Variants in CADM2 observed in about 807,000 individuals in gnomAD.
The protein encoded by CADM2 is immunoglobulin superfamily member 4D.
In CADM2, 12 loss-of-function variants were observed where a neutral mutation model predicts 49.8. The observed-to-expected ratio is 0.24, with a 90% CI of 0.15 to 0.39. The LOEUF (loss-of-function observed/expected upper bound fraction) is 0.39, where lower values mean the gene tolerates loss of function less well. CADM2 is among the 10% of genes least tolerant of loss of function. The pLI is 1.00. For missense variants in CADM2, 378 were observed against 492.3 expected (o/e 0.77, Z 2.20); for synonymous variants, 214 against 175.4 (o/e 1.22, Z -1.74).
intron 1 of CADM2, among the ~76,000 whole-genome samples, chr3:85,649,645 G>A (rs753947574): frequency 9.2e-5 from 14 of 152,108 alleles, no homozygotes; most frequent in Non-Finnish European, 1.5e-5. Context: ...GGAATTAAAG[G>A]AAAGGCTTAA....
At chr3:85,704,438 A>G (rs1163459488) in intron 1 of CADM2, among the ~76,000 whole-genome samples, 1 of 152,152 alleles carries the variant, frequency 6.6e-6, no homozygotes, top group Non-Finnish European at 1.5e-5. Context: ...GACCAAATTC[A>G]GTATGCCATC....
chr3:85,642,129 A>G (rs2107555036), intron 1 of CADM2, among the ~76,000 whole-genome samples: 1 of 152,266 alleles, frequency 6.6e-6, no homozygotes, highest in Non-Finnish European at 1.5e-5. Context: ...TACCCTTTGC[A>G]CTGCAGAGAT....
At chr3:86,046,258 T>C (rs2107288299) in intron 8 of CADM2, among the ~76,000 whole-genome samples, 1 of 152,320 alleles carries the variant, frequency 6.6e-6, no homozygotes, top group South Asian at 2.1e-4. Context: ...CATGTGCCTT[T>C]TGTAAACATT....
intron 8 of CADM2, among the ~76,000 whole-genome samples, chr3:86,044,975 T>C (rs140512890): frequency 0.034 from 5,122 of 149,694 alleles, 171 homozygotes; most frequent in African/African-American, 0.084. Flanking sequence ...AACCAAACAC[T>C]GCATGTTCTC....
At chr3:85,172,124 C>T (rs2040644781) in intron 1 of CADM2, among the ~76,000 whole-genome samples, 1 of 152,094 alleles carries the variant, frequency 6.6e-6, no homozygotes, top group African/African-American at 2.4e-5. Flanking sequence ...AGAGCATTGC[C>T]TACTGTCAAA....
intron 1 of CADM2, among the ~76,000 whole-genome samples, chr3:85,231,997 G>T (rs1265428837): frequency 6.6e-6 from 1 of 151,776 alleles, no homozygotes; most frequent in South Asian, 2.1e-4. Flanking sequence ...TTACAGACGT[G>T]AGCCATTGGG....
At chr3:85,202,985 C>T (rs767432720) in intron 1 of CADM2, among the ~76,000 whole-genome samples, 1 of 152,174 alleles carries the variant, frequency 6.6e-6, no homozygotes, top group Non-Finnish European at 1.5e-5. Context: ...TTTTCTTCTG[C>T]AGCTTCCTTA....
intron 1 of CADM2, among the ~76,000 whole-genome samples, chr3:85,568,485 TTC>T (rs1559916170): frequency 5.3e-5 from 3 of 56,188 alleles, no homozygotes; most frequent in Admixed American, 2.6e-4. Flanking sequence ...CTTTCTTTCT[TTC>T]TTTCTTTCTT....
chr3:85,215,951 G>C (rs907105776), intron 1 of CADM2, among the ~76,000 whole-genome samples: 1 of 151,976 alleles, frequency 6.6e-6, no homozygotes, highest in African/African-American at 2.4e-5. Context: ...GAGAATGAGG[G>C]AGGAGGAGGG....
chr3:85,831,125 A>C (rs112830943), intron 3 of CADM2, among the ~76,000 whole-genome samples: 15,490 of 151,854 alleles, frequency 0.1, 906 homozygotes, highest in South Asian at 0.12. Context: ...TTCGCTTAGG[A>C]TAATGGTCTC....
chr3:85,593,394 G>A (rs983821211), intron 1 of CADM2, among the ~76,000 whole-genome samples: 1 of 151,902 alleles, frequency 6.6e-6, no homozygotes, highest in Non-Finnish European at 1.5e-5. Context: ...AAATTCTAGA[G>A]CCTCAATTTT....
At chr3:85,037,160 A>AC (rs1344006466) in intron 1 of CADM2, among the ~76,000 whole-genome samples, 1 of 151,174 alleles carries the variant, frequency 6.6e-6, no homozygotes, top group African/African-American at 2.4e-5. Context: ...CAAGAGTGAA[A>AC]CTCCATCTCT....
At chr3:85,256,724 G>A (rs2042893320) in intron 1 of CADM2, among the ~76,000 whole-genome samples, 1 of 152,008 alleles carries the variant, frequency 6.6e-6, no homozygotes, top group Non-Finnish European at 1.5e-5. Context: ...TATATTAAAA[G>A]CTCAACTGCA....
chr3:85,760,175 A>G (rs1300920558), intron 2 of CADM2, among the ~76,000 whole-genome samples: 3 of 152,118 alleles, frequency 2.0e-5, no homozygotes, highest in Non-Finnish European at 2.9e-5. Context: ...TCTGAAAGAA[A>G]TGTTTTTCTA....
rs550165989 is a variant in CADM2, at chr3:85,106,405, G to A, written c.61+146737G>A. 2.6e-5 allele frequency among the ~76,000 whole-genome samples: 4 copies of A among 152,190 alleles called. No individual in the cohort carries two copies. In the South Asian group the frequency reaches 8.3e-4, roughly 31 times the overall value. On this transcript the variant is annotated intron_variant, in intron 1 of 9. Transcript: ENST00000383699. ...GAGAAGGTACTTTCTTCCATTTGTAGCATCCACCTGGTTTGAAGTGTTAGT... is the reference window on the plus strand; with the variant it reads ...GAGAAGGTACTTTCTTCCATTTGTAACATCCACCTGGTTTGAAGTGTTAGT...
intron 1 of CADM2, among the ~76,000 whole-genome samples, chr3:85,711,399 G>T (rs2067113290): frequency 6.6e-6 from 1 of 152,034 alleles, no homozygotes; most frequent in South Asian, 2.1e-4. Flanking sequence ...GAGCTTCTTT[G>T]TGAATCCTTA....
chr3:86,017,295 G>A (rs1332145319), intron 8 of CADM2, among the ~76,000 whole-genome samples: 2 of 151,540 alleles, frequency 1.3e-5, no homozygotes, highest in Admixed American at 1.3e-4. Context: ...CTATGATTTG[G>A]TCAAATAGAT....
intron 1 of CADM2, among the ~76,000 whole-genome samples, chr3:85,032,735 T>C (rs2035040591): frequency 6.6e-6 from 1 of 152,136 alleles, no homozygotes; most frequent in African/African-American, 2.4e-5. Context: ...AGGAATAGTT[T>C]TTTTTCAAAT....
At chr3:85,552,366 G>GTGTTTTTTTTTTTTTTTTTTTTT (rs2061828186) in intron 1 of CADM2, among the ~76,000 whole-genome samples, 1 of 87,588 alleles carries the variant, frequency 1.1e-5, no homozygotes. Flanking sequence ...ACTTTGAAAA[G>GTGTTTTTTTTTTTTTTTTTTTTT]TTTTTTTTTT....
Sources: gnomAD v4.1 joint callset for allele counts (sites outside exome capture counted in the v4.1 genomes callset) on GRCh38, gnomAD v4.1.1 for gene constraint, MANE v1.5 for transcripts, NCBI Gene and HGNC (gene_info 2026-07-23, HGNC 2026-07-21) for gene names.